The following ALDH1A1 variants were observed in gnomAD, a reference collection of about 807,000 sequenced individuals.
ALDH1A1 encodes the protein aldehyde dehydrogenase 1 family member A1, also known as aldehyde dehydrogenase 1A1.
Under a neutral mutation model 62.1 loss-of-function variants are expected in ALDH1A1, and 19 were observed. The ratio of observed to expected loss-of-function variants is 0.31; its 90% CI spans 0.21 to 0.45. ALDH1A1 has a LOEUF of 0.45. Among genes scored for constraint, ALDH1A1 ranks in the 20% least tolerant of loss-of-function variants. The probability of loss-of-function intolerance (pLI) is 1.00; values close to 1 mark genes in which losing one functional copy is unlikely to be tolerated. For synonymous variants in ALDH1A1, 231 were observed against 215.9 expected (o/e 1.07, Z -0.61); for missense variants, 521 against 607.1 (o/e 0.86, Z 1.49).
chr9:72,953,016 TG>T lies in ALDH1A1; in HGVS notation c.-17del. The T allele has an allele frequency of 1.9e-6, 3 of 1,607,128 alleles. No individual in the cohort carries two copies. Among genetic ancestry groups the T allele is most frequent in the Non-Finnish European group, 2.5e-6 (3 of 1,179,144 alleles). On this transcript the variant is annotated 5_prime_UTR_variant, in exon 1 of 13. Transcript: ENST00000297785. ...AGGATGACATTTCTGATTCGGCTCCTGGAACACAGGTGACTGGCTCAGCAAT... is the reference window on the plus strand; with the variant it reads ...AGGATGACATTTCTGATTCGGCTCCTGAACACAGGTGACTGGCTCAGCAAT...
At chr9:72,925,974 T>G (rs1181451391) in intron 5 of ALDH1A1, among the ~76,000 whole-genome samples, 1 of 152,226 alleles carries the variant, frequency 6.6e-6, no homozygotes, top group Non-Finnish European at 1.5e-5. Flanking sequence ...CATAAGTCAT[T>G]TATTGTAATT....
intron 2 of ALDH1A1, among the ~76,000 whole-genome samples, chr9:72,936,235 A>G (rs1383100151): frequency 2.6e-5 from 4 of 152,142 alleles, no homozygotes; most frequent in Non-Finnish European, 4.4e-5. Context: ...CCCTTACTAT[A>G]CTTTAGGAAG....
chr9:72,918,899 G>T, intron 7 of ALDH1A1, 77 bp from the exon 8 acceptor site: 2 of 1,001,882 alleles, frequency 2.0e-6, no homozygotes, highest in Non-Finnish European at 3.0e-6. Context: ...CTAAATTTAT[G>T]TGATGTTTGT....
At chr9:72,932,398 A>C (rs1028103382) in intron 2 of ALDH1A1, among the ~76,000 whole-genome samples, 1 of 152,164 alleles carries the variant, frequency 6.6e-6, no homozygotes, top group Non-Finnish European at 1.5e-5. Context: ...CACACTTACA[A>C]GTCTGTGAAT....
intron 5 of ALDH1A1, 76 bp downstream of exon 5, chr9:72,927,040 T>C: frequency 9.3e-7 from 1 of 1,071,340 alleles, no homozygotes; most frequent in South Asian, 1.7e-5. Flanking sequence ...CCATCTGTTT[T>C]AGAGAAAGCT....
chr9:72,930,788 T>C (rs758107032), intron 3 of ALDH1A1, 91 bp downstream of exon 3: 24 of 1,500,528 alleles, frequency 1.6e-5, no homozygotes, highest in Non-Finnish European at 1.9e-5. Flanking sequence ...AGAGAGCATA[T>C]AGTGATCCCT....
Position 72,901,234 on chromosome 9 carries a change from C to A in ALDH1A1, c.1480G>T (p.Val494Leu). ...HEYTEVKTVT[V>L]KISQKNS ...TATGAGTTCTTCTGAGAGATTTTCA[C>A]TGTGACTGTTTTGACCTCTGTATAT... Residue 494 changes from valine to leucine, a missense_variant, in exon 13 of 13, where the codon GTG (valine) becomes TTG (leucine). Coordinates refer to ENST00000297785, the MANE Select transcript of ALDH1A1 (RefSeq NM_000689.5). The A allele has an allele frequency of 6.2e-7, 1 of 1,610,474 alleles. No individual in the cohort carries two copies. Among genetic ancestry groups the A allele is most frequent in the Non-Finnish European group, 8.5e-7 (1 of 1,178,096 alleles).
intron 1 of ALDH1A1, among the ~76,000 whole-genome samples, chr9:72,947,644 T>A (rs1830490880): frequency 6.6e-6 from 1 of 151,990 alleles, no homozygotes; most frequent in African/African-American, 2.4e-5. Flanking sequence ...TTGAGTGAGA[T>A]TCTAGTACTA....
intron 2 of ALDH1A1, among the ~76,000 whole-genome samples, chr9:72,937,221 A>T (rs1053850525): frequency 6.6e-6 from 1 of 152,236 alleles, no homozygotes; most frequent in Non-Finnish European, 1.5e-5. Flanking sequence ...TCTATCGAAT[A>T]TAGTATAGCA....
At chr9:72,938,705 A>G (rs1830376433) in intron 2 of ALDH1A1, among the ~76,000 whole-genome samples, 1 of 151,664 alleles carries the variant, frequency 6.6e-6, no homozygotes, top group Non-Finnish European at 1.5e-5. Context: ...TCAGCCTCCC[A>G]AAGTGCTGGG....
chr9:72,930,567 A>T (rs1170111684), intron 3 of ALDH1A1, among the ~76,000 whole-genome samples: 1 of 152,162 alleles, frequency 6.6e-6, no homozygotes, highest in Non-Finnish European at 1.5e-5. Flanking sequence ...CTCAAACTTC[A>T]TGTGATCTTA....
chr9:72,934,470 T>G (rs1230613431), intron 2 of ALDH1A1, among the ~76,000 whole-genome samples: 1 of 152,210 alleles, frequency 6.6e-6, no homozygotes, highest in Non-Finnish European at 1.5e-5. Flanking sequence ...AAGTCCTCCC[T>G]GGTTTTCAAG....
chr9:72,940,282 G>A (rs1830400920), intron 1 of ALDH1A1, 30 bp from the exon 2 acceptor site: 1 of 1,554,162 alleles, frequency 6.4e-7, no homozygotes, highest in Non-Finnish European at 8.9e-7. Flanking sequence ...ATACATACAA[G>A]GCGCTTAAAT....
rs1214623765 is a variant in ALDH1A1, at chr9:72,925,692, C to T, written c.505-80G>A. 2.8e-6 allele frequency: 4 copies of T among 1,446,336 alleles called. No homozygotes were observed. In the African/African-American group the frequency reaches 5.7e-5, roughly 21 times the overall value. The allele number at this position is 1,446,336 out of a possible 1,614,324, so 89.6% of individuals were successfully genotyped here. A position where few individuals can be genotyped will look rare whatever the true frequency, so the allele number is the denominator to read the frequency against. ...AATCCAACTTCCATATTATACACCCCCTGTAGATGTTATGTAATAATTGCG... is the reference window on the plus strand; with the variant it reads ...AATCCAACTTCCATATTATACACCCTCTGTAGATGTTATGTAATAATTGCG... On this transcript the variant is annotated intron_variant, in intron 5 of 12. Transcript: ENST00000297785.
Position 72,907,231 on chromosome 9 carries a change from G to A in ALDH1A1, c.1359-1199C>T, listed in dbSNP as rs8187979. ...ACTTACAAAAGGCAGTATTGTCTCA[G>A]CTTTGTTTAATTGCCCTTTAAATTG... On this transcript the variant is annotated intron_variant, in intron 11 of 12. Coordinates refer to ENST00000297785, the MANE Select transcript of ALDH1A1 (RefSeq NM_000689.5). 3.1e-3 allele frequency among the ~76,000 whole-genome samples: 468 copies of A among 152,222 alleles called. 1 individual carries two copies. The highest frequency in any genetic ancestry group is 4.1e-3 in the Non-Finnish European group (276 of 68,028).
intron 9 of ALDH1A1, among the ~76,000 whole-genome samples, chr9:72,914,565 T>A (rs540717702): frequency 6.5e-4 from 99 of 152,310 alleles, no homozygotes; most frequent in African/African-American, 2.3e-3. Flanking sequence ...TACTCTGTGA[T>A]AATTTTAGTA....
chr9:72,937,663 A>G (rs1830361493), intron 2 of ALDH1A1, among the ~76,000 whole-genome samples: 1 of 152,188 alleles, frequency 6.6e-6, no homozygotes, highest in Non-Finnish European at 1.5e-5. Flanking sequence ...GTGACTAGCA[A>G]GCAATTGTTG....
chr9:72,905,840 T>A (rs916055181), intron 12 of ALDH1A1, 118 bp downstream of exon 12: 6 of 759,642 alleles, frequency 7.9e-6, no homozygotes, highest in East Asian at 2.8e-5. Context: ...GTGCTATGAA[T>A]CTCCAGGAAA....
At position 72,914,954 on chromosome 9, in the gene ALDH1A1, G is replaced by C. The variant is rs190941955; in HGVS notation, c.1035+1966C>G. Among the ~76,000 whole-genome samples the C allele has an allele frequency of 2.6e-5, 4 of 152,174 alleles. No individual in the cohort carries two copies. The East Asian group carries it at 7.7e-4, about 29-fold the overall frequency. On this transcript the variant is annotated intron_variant, in intron 9 of 12. Transcript: ENST00000297785. ...ATGAGGCAATAGGCTAAAGCTTAGT[G>C]AGTGAGTATCCCCTTTGCGTAAGTT...
Sources: gnomAD v4.1 joint callset for allele counts (sites outside exome capture counted in the v4.1 genomes callset) on GRCh38, gnomAD v4.1.1 for gene constraint, MANE v1.5 for transcripts, NCBI Gene and HGNC (gene_info 2026-07-23, HGNC 2026-07-21) for gene names.